PRDM16: variants seen among roughly 807,000 people sequenced by gnomAD.
PRDM16 encodes PR/SET domain 16, also known as histone-lysine N-methyltransferase PRDM16.
In PRDM16, 23 loss-of-function variants were observed where a neutral mutation model predicts 110.6. That is an observed-to-expected ratio of 0.21 (90% CI 0.15 to 0.29). PRDM16 has a LOEUF of 0.29. Ranked by LOEUF, PRDM16 falls within the 10% of genes least tolerant of loss-of-function variation. The pLI, the probability that PRDM16 is intolerant of heterozygous loss-of-function variation, is 1.00. For missense variants in PRDM16, 1,615 were observed against 1,794.3 expected (o/e 0.90, Z 1.81); for synonymous variants, 799 against 781.8 (o/e 1.02, Z -0.37).
chr1:3,383,399 G>A (rs1001446069), intron 3 of PRDM16, among the ~76,000 whole-genome samples: 5 of 152,176 alleles, frequency 3.3e-5, no homozygotes, highest in African/African-American at 4.8e-5. Context: ...GGTGGTGGAT[G>A]TCAACAAGGA....
At chr1:3,221,628 A>G (rs954191836) in intron 2 of PRDM16, among the ~76,000 whole-genome samples, 1 of 152,124 alleles carries the variant, frequency 6.6e-6, no homozygotes, top group African/African-American at 2.4e-5. Context: ...AGCCTCTTGC[A>G]TTTCCCCCTT....
chr1:3,078,548 G>A (rs989226651), intron 1 of PRDM16, among the ~76,000 whole-genome samples: 2 of 152,228 alleles, frequency 1.3e-5, no homozygotes, highest in Non-Finnish European at 2.9e-5. Flanking sequence ...CATTCGAAAG[G>A]CCCAGAAGAG....
chr1:3,191,610 A>G (rs547741690), intron 2 of PRDM16, among the ~76,000 whole-genome samples: 5 of 152,242 alleles, frequency 3.3e-5, no homozygotes, highest in Admixed American at 1.3e-4. Flanking sequence ...TTTCCAAGGA[A>G]GTAAAACCTC....
intron 2 of PRDM16, 113 bp downstream of exon 2, chr1:3,186,587 A>G: frequency 1.5e-6 from 1 of 664,566 alleles, no homozygotes; most frequent in Non-Finnish European, 2.5e-6. Context: ...GGCCAGAGAG[A>G]GCGTTCAAAT....
chr1:3,396,933 G>A (rs371927489), intron 5 of PRDM16, among the ~76,000 whole-genome samples: 2 of 152,288 alleles, frequency 1.3e-5, no homozygotes, highest in Non-Finnish European at 2.9e-5. Context: ...ATTTTTTTAA[G>A]CTATGTTTTA....
chr1:3,411,004 C>T (rs954024825), intron 8 of PRDM16, among the ~76,000 whole-genome samples: 5 of 152,142 alleles, frequency 3.3e-5, no homozygotes, highest in Non-Finnish European at 7.4e-5. Flanking sequence ...ACCGGCCCCC[C>T]GATCTGTGCT....
At position 3,235,692 on chromosome 1, in the gene PRDM16, C is replaced by T. The variant is rs114318063; in HGVS notation, c.388-8395C>T. Among the ~76,000 whole-genome samples, 1,012 of 152,322 alleles carry T rather than the reference C, an allele frequency of 6.6e-3. 14 individuals are homozygous for T. The highest frequency in any genetic ancestry group is 0.023 in the African/African-American group (959 of 41,574). ...AGGAACAACAGGCCTTCCCCAGCTC[C>T]GCCTGACATGGGGGAAAGAGCGCCC... On this transcript the variant is annotated intron_variant, in intron 2 of 16. Coordinates refer to ENST00000270722, the MANE Select transcript of PRDM16 (RefSeq NM_022114.4).
chr1:3,136,307 G>A (rs1221256268), intron 1 of PRDM16, among the ~76,000 whole-genome samples: 5 of 152,240 alleles, frequency 3.3e-5, no homozygotes, highest in Non-Finnish European at 7.3e-5. Context: ...AGGCACGCCA[G>A]GCACTGAGTC....
intron 2 of PRDM16, chr1:3,237,921 G>A (rs1439160699): frequency 6.6e-6 from 1 of 152,288 alleles, no homozygotes; most frequent in Non-Finnish European, 1.5e-5. Context: ...GACTGCTTGT[G>A]GCCGGAGCAA....
chr1:3,098,145 T>A (rs1461171330), intron 1 of PRDM16, among the ~76,000 whole-genome samples: 2 of 152,098 alleles, frequency 1.3e-5, no homozygotes, highest in African/African-American at 4.8e-5. Flanking sequence ...CACTGAGCCG[T>A]GTGGAATCCT....
At chr1:3,164,954 C>T (rs918921982) in intron 1 of PRDM16, among the ~76,000 whole-genome samples, 1 of 152,236 alleles carries the variant, frequency 6.6e-6, no homozygotes, top group African/African-American at 2.4e-5. Context: ...CTGACCTCCG[C>T]CCTGCACAGG....
At chr1:3,089,316 A>C (rs1168924250) in intron 1 of PRDM16, among the ~76,000 whole-genome samples, 1 of 152,228 alleles carries the variant, frequency 6.6e-6, no homozygotes, top group Non-Finnish European at 1.5e-5. Flanking sequence ...CTCGTTTCTA[A>C]GAGACGTTGG....
At chr1:3,429,025 G>A (rs1289966663) in intron 14 of PRDM16, among the ~76,000 whole-genome samples, 1 of 152,254 alleles carries the variant, frequency 6.6e-6, no homozygotes, top group Non-Finnish European at 1.5e-5. Context: ...GGCCAAGGAG[G>A]GCCAAGGGTC....
chr1:3,143,463 C>G lies in PRDM16; in HGVS notation c.38-42662C>G, dbSNP rs1643590245. Among the ~76,000 whole-genome samples, 1 of 152,096 alleles carries G rather than the reference C, an allele frequency of 6.6e-6. No homozygotes were observed. Among genetic ancestry groups the G allele is most frequent in the African/African-American group, 2.4e-5 (1 of 41,412 alleles). On this transcript the variant is annotated intron_variant, in intron 1 of 16. Coordinates refer to ENST00000270722, the MANE Select transcript of PRDM16 (RefSeq NM_022114.4). The surrounding 1 kb of genome is among the most constrained non-coding windows in gnomAD (Gnocchi z 4.5). ...TCAGCAAAGCAAATGACATTTGAAA[C>G]TTTATTATTAGTATTATTATTATCA...
At position 3,186,375 on chromosome 1, in the gene PRDM16, G is replaced by A. The variant is rs752047886; in HGVS notation, c.288G>A (p.Leu96=). 5 of 1,611,180 alleles carry A rather than the reference G, an allele frequency of 3.1e-6. No homozygotes were observed. The African/African-American group carries it at 4.0e-5, about 13-fold the overall frequency. Residue 96 remains leucine, a synonymous_variant, in exon 2 of 17, where the codon CTG becomes CTA. Coordinates refer to ENST00000270722, the MANE Select transcript of PRDM16 (RefSeq NM_022114.4). ...LRESSIPGAG[L]GVWAKRKMEA... is the part of the protein sequence containing the mutation. ...AGTCCTCCATCCCAGGGGCTGGCCT[G>A]GGGGTCTGGGCCAAGAGGAAGATGG...
chr1:3,347,329 C>A (rs536392487), intron 3 of PRDM16, among the ~76,000 whole-genome samples: 1 of 152,240 alleles, frequency 6.6e-6, no homozygotes, highest in Non-Finnish European at 1.5e-5. Flanking sequence ...GAGGGCGAGA[C>A]TCTCAGGGCC....
At chr1:3,349,856 C>CT (rs1375292404) in intron 3 of PRDM16, among the ~76,000 whole-genome samples, 1 of 152,194 alleles carries the variant, frequency 6.6e-6, no homozygotes, top group East Asian at 1.9e-4. Flanking sequence ...GCCTCCGCAG[C>CT]CCCCGCAGCC....
intron 3 of PRDM16, among the ~76,000 whole-genome samples, chr1:3,330,204 G>A (rs1040726742): frequency 2.0e-5 from 3 of 152,232 alleles, no homozygotes; most frequent in South Asian, 2.1e-4. Context: ...AGCTAGAGGC[G>A]GGGAATGAGG....
At chr1:3,407,683 C>T (rs997644647) in intron 8 of PRDM16, among the ~76,000 whole-genome samples, 2 of 152,218 alleles carry the variant, frequency 1.3e-5, no homozygotes, top group Non-Finnish European at 1.5e-5. Flanking sequence ...TGCAGACGAG[C>T]GTTCTAAAGT....
Sources: allele counts gnomAD v4.1 joint callset (sites outside exome capture counted in the v4.1 genomes callset), GRCh38; gene constraint gnomAD v4.1.1; non-coding constraint Gnocchi (gnomAD v3.1); transcripts MANE v1.5; gene names NCBI Gene and HGNC (gene_info 2026-07-23, HGNC 2026-07-21).